LRBA: variants seen among roughly 807,000 people sequenced by gnomAD.
LRBA encodes the protein lipopolysaccharide-responsive and beige-like anchor protein.
A neutral mutation model predicts 330.0 loss-of-function variants in LRBA; 176 were observed. The observed-to-expected ratio is 0.53, with a 90% CI of 0.47 to 0.60. The LOEUF (loss-of-function observed/expected upper bound fraction) is 0.60. LRBA is among the 20% of genes least tolerant of loss of function. The pLI, the probability that LRBA is intolerant of heterozygous loss-of-function variation, is 0.00. For missense variants in LRBA, 3,259 were observed against 3,444.8 expected, an observed-to-expected ratio of 0.95 and a Z score of 1.35; for synonymous variants, 1,230 against 1,193.0, an observed-to-expected ratio of 1.03 and a Z score of -0.64.
At chr4:150,476,790 TG>T (rs1756761070) in intron 42 of LRBA, among the ~76,000 whole-genome samples, 2 of 152,194 alleles carry the variant, frequency 1.3e-5, no homozygotes, top group African/African-American at 4.8e-5. Flanking sequence ...AATATATTTT[TG>T]TTACGGCTTA....
intron 34 of LRBA, among the ~76,000 whole-genome samples, chr4:150,784,312 G>A (rs189501050): frequency 6.6e-6 from 1 of 152,254 alleles, no homozygotes; most frequent in Admixed American, 6.5e-5. Flanking sequence ...CTTCAGAAAC[G>A]TTTCTTGTAA....
intron 44 of LRBA, among the ~76,000 whole-genome samples, chr4:150,459,342 C>T (rs998802011): frequency 2.0e-5 from 3 of 151,794 alleles, no homozygotes; most frequent in Admixed American, 2.0e-4. Context: ...TTTGACAATA[C>T]AGAGGGAAGA....
chr4:150,444,532 T>C (rs1489763473), intron 44 of LRBA, among the ~76,000 whole-genome samples: 1 of 152,158 alleles, frequency 6.6e-6, no homozygotes, highest in Admixed American at 6.5e-5. Flanking sequence ...TTTAGGGTAT[T>C]TCGTTATATG....
chr4:150,448,562 G>A (rs568625115), intron 44 of LRBA, among the ~76,000 whole-genome samples: 1 of 152,256 alleles, frequency 6.6e-6, no homozygotes, highest in South Asian at 2.1e-4. Context: ...AGCACTTCGG[G>A]AGGCCGAGGC....
chr4:150,288,145 C>G (rs1748381392), intron 53 of LRBA, among the ~76,000 whole-genome samples: 1 of 152,220 alleles, frequency 6.6e-6, no homozygotes, highest in South Asian at 2.1e-4. Context: ...GCGCCCGCCA[C>G]TGCGCCCAGC....
intron 36 of LRBA, among the ~76,000 whole-genome samples, chr4:150,726,382 T>C (rs1220138268): frequency 6.6e-6 from 1 of 152,070 alleles, no homozygotes; most frequent in Non-Finnish European, 1.5e-5. Flanking sequence ...AGACAAAAAT[T>C]GTAAAAAGAG....
chr4:150,879,432 G>T (rs1305363371), intron 17 of LRBA, among the ~76,000 whole-genome samples: 2 of 152,046 alleles, frequency 1.3e-5, no homozygotes, highest in Admixed American at 6.6e-5. Context: ...ACAAAAACAG[G>T]AAGCATTCCT....
intron 47 of LRBA, among the ~76,000 whole-genome samples, chr4:150,406,473 C>CA (rs1422949591): frequency 6.6e-6 from 1 of 151,782 alleles, no homozygotes; most frequent in Non-Finnish European, 1.5e-5. Context: ...GTCCAAAATC[C>CA]AAAAAAATGG....
intron 37 of LRBA, among the ~76,000 whole-genome samples, chr4:150,675,154 C>G (rs1056119753): frequency 2.6e-5 from 4 of 152,030 alleles, no homozygotes; most frequent in Non-Finnish European, 5.9e-5. Context: ...GAGCTGTGAT[C>G]TGCACTCCAG....
chr4:150,444,587 A>G (rs888315470), intron 44 of LRBA, among the ~76,000 whole-genome samples: 1 of 152,198 alleles, frequency 6.6e-6, no homozygotes, highest in Admixed American at 6.5e-5. Context: ...CACATGCTCT[A>G]GATTTTATTT....
chr4:150,843,888 AT>A (rs1262571268), intron 28 of LRBA, among the ~76,000 whole-genome samples: 3 of 152,208 alleles, frequency 2.0e-5, no homozygotes, highest in Admixed American at 2.0e-4. Flanking sequence ...ATTCCTTTTA[AT>A]ATCACTATGC....
chr4:150,642,341 A>C (rs1344747743), intron 37 of LRBA, among the ~76,000 whole-genome samples: 2 of 151,970 alleles, frequency 1.3e-5, no homozygotes, highest in African/African-American at 4.8e-5. Context: ...AAAAAAAGAA[A>C]GATAAAGATA....
At chr4:150,747,058 T>C (rs2126347671) in intron 35 of LRBA, among the ~76,000 whole-genome samples, 1 of 152,310 alleles carries the variant, frequency 6.6e-6, no homozygotes, top group South Asian at 2.1e-4. Context: ...CACCTTTCCA[T>C]GGCTTATAAA....
chr4:150,897,657 A>T lies in LRBA; in HGVS notation c.2004+82T>A, dbSNP rs1342483380. The T allele has an allele frequency of 2.0e-5, 19 of 970,700 alleles. No individual in the cohort carries two copies. The Middle Eastern group carries it at 6.4e-4, about 33-fold the overall frequency. 60.1% of individuals were successfully genotyped at this position (970,700 alleles called of 1,614,324 possible). Reference sequence around the variant, plus strand: ...TGTAACCACAGTAACCAAGCAAAGAATAAAAAAACCAAGATTGTATTTCAT... The same window carrying T: ...TGTAACCACAGTAACCAAGCAAAGATTAAAAAAACCAAGATTGTATTTCAT... On this transcript the variant is annotated intron_variant, in intron 15 of 56. Transcript: ENST00000651943.
At chr4:150,364,086 G>T (rs747877885) in intron 47 of LRBA, among the ~76,000 whole-genome samples, 5 of 152,108 alleles carry the variant, frequency 3.3e-5, no homozygotes, top group Non-Finnish European at 5.9e-5. Context: ...ATCTTTCAAG[G>T]TTTTATTTTC....
chr4:150,683,610 G>T lies in LRBA; in HGVS notation c.5862C>A (p.Ile1954=). The change falls in exon 37 of 57, where the codon ATC becomes ATA. Residue 1954 remains isoleucine (I), a synonymous_variant. Transcript: ENST00000651943. The part of the protein sequence containing the change: ...YRDHVTATQL[I]QKIINILTDK... ...CTGTGAGAATGTTGATAATTTTCTGGATTAGTTGAGTTGCTGTCACGTGGT... is the reference window on the plus strand; with the variant it reads ...CTGTGAGAATGTTGATAATTTTCTGTATTAGTTGAGTTGCTGTCACGTGGT... 1.2e-6 allele frequency: 2 copies of T among 1,613,446 alleles called. No individual in the cohort carries two copies. The highest frequency in any genetic ancestry group is 1.7e-6 in the Non-Finnish European group (2 of 1,179,614).
chr4:150,332,727 G>A (rs936136074), intron 48 of LRBA, among the ~76,000 whole-genome samples: 5 of 151,956 alleles, frequency 3.3e-5, no homozygotes, highest in Non-Finnish European at 7.4e-5. Context: ...TAAATAGCCT[G>A]TTACTACTTT....
chr4:150,639,887 G>A lies in LRBA; in HGVS notation c.5922-40756C>T, dbSNP rs1414949429. Among the ~76,000 whole-genome samples, 6 of 100,554 alleles carry A rather than the reference G, an allele frequency of 6.0e-5. No individual in the cohort carries two copies. The East Asian group carries it at 9.5e-4, about 16-fold the overall frequency. The allele number at this position is 100,554 out of a possible 152,430, so 66.0% of individuals were successfully genotyped here. On this transcript the variant is annotated intron_variant, in intron 37 of 56. Coordinates refer to ENST00000651943, the MANE Select transcript of LRBA (RefSeq NM_001364905.1). ...TATATATATATTTAGATGGAGTTTCGCTCTTGCTGCCCAGGCTGGAGTGTA... is the reference window on the plus strand; with the variant it reads ...TATATATATATTTAGATGGAGTTTCACTCTTGCTGCCCAGGCTGGAGTGTA...
intron 48 of LRBA, among the ~76,000 whole-genome samples, chr4:150,333,269 C>T (rs1734222726): frequency 6.6e-6 from 1 of 151,544 alleles, no homozygotes; most frequent in Non-Finnish European, 1.5e-5. Flanking sequence ...GGAGAAATAA[C>T]TTAAACATAT....
Sources: allele counts gnomAD v4.1 joint callset (sites outside exome capture counted in the v4.1 genomes callset), GRCh38; gene constraint gnomAD v4.1.1; transcripts MANE v1.5; gene names NCBI Gene and HGNC (gene_info 2026-07-23, HGNC 2026-07-21).